NRG1: variants seen among roughly 807,000 people sequenced by gnomAD.
NRG1 encodes the protein pro-neuregulin-1, membrane-bound isoform.
Under a neutral mutation model 63.8 loss-of-function variants are expected in NRG1, and 18 were observed. That is an observed-to-expected ratio of 0.28 (90% CI 0.19 to 0.42). The LOEUF (loss-of-function observed/expected upper bound fraction) is 0.42, where lower values mean the gene tolerates loss of function less well. Ranked by LOEUF, NRG1 falls within the 10% of genes least tolerant of loss-of-function variation. The pLI is 1.00. For missense variants in NRG1, 762 were observed against 814.7 expected (o/e 0.94, Z 0.79); for synonymous variants, 302 against 301.3 (o/e 1.00, Z -0.02).
At chr8:32,215,710 CTT>C (rs1845148234) in intron 1 of NRG1, among the ~76,000 whole-genome samples, 1 of 152,114 alleles carries the variant, frequency 6.6e-6, no homozygotes, top group South Asian at 2.1e-4. Flanking sequence ...AAATTTTTGA[CTT>C]TGTTTAAATA....
chr8:32,522,810 T>C (rs1737719748), intron 1 of NRG1, among the ~76,000 whole-genome samples: 2 of 119,080 alleles, frequency 1.7e-5, no homozygotes, highest in Admixed American at 8.3e-5. Context: ...CAATTTGCCT[T>C]TTTTTTTTTT....
chr8:31,732,258 G>A (rs538749305), intron 1 of NRG1, among the ~76,000 whole-genome samples: 3 of 152,104 alleles, frequency 2.0e-5, no homozygotes, highest in East Asian at 3.9e-4. Context: ...ATTATTTAAC[G>A]TAACTGTGCT....
intron 1 of NRG1, among the ~76,000 whole-genome samples, chr8:32,258,735 C>A (rs755166035): frequency 1.3e-5 from 2 of 152,114 alleles, no homozygotes; most frequent in Non-Finnish European, 2.9e-5. Flanking sequence ...CCCCCATGAT[C>A]CAATCACCTC....
At chr8:32,450,192 C>T (rs1006268591) in intron 1 of NRG1, among the ~76,000 whole-genome samples, 1 of 152,108 alleles carries the variant, frequency 6.6e-6, no homozygotes, top group Admixed American at 6.6e-5. Flanking sequence ...GATTATTTTA[C>T]ATATTTCATC....
At chr8:32,430,291 C>T (rs928327608) in intron 1 of NRG1, among the ~76,000 whole-genome samples, 4 of 152,170 alleles carry the variant, frequency 2.6e-5, no homozygotes, top group Non-Finnish European at 2.9e-5. Flanking sequence ...TATGCTTACT[C>T]ATAAAACAGG....
intron 1 of NRG1, among the ~76,000 whole-genome samples, chr8:32,071,324 T>G (rs1825728468): frequency 6.6e-6 from 1 of 152,222 alleles, no homozygotes; most frequent in Non-Finnish European, 1.5e-5. Flanking sequence ...GTTCAGTTGT[T>G]AACTCTGTGC....
intron 1 of NRG1, among the ~76,000 whole-genome samples, chr8:31,816,669 C>T (rs912340626): frequency 6.6e-6 from 1 of 152,154 alleles, no homozygotes; most frequent in Non-Finnish European, 1.5e-5. Flanking sequence ...AATGATTTTT[C>T]TTAAGCTTAG....
chr8:32,484,053 A>G (rs1468927769), intron 1 of NRG1, among the ~76,000 whole-genome samples: 1 of 152,168 alleles, frequency 6.6e-6, no homozygotes, highest in East Asian at 1.9e-4. Flanking sequence ...CAGTGAGCCA[A>G]GATCGCACCA....
intron 1 of NRG1, among the ~76,000 whole-genome samples, chr8:32,475,031 GA>G (rs1378373057): frequency 3.3e-5 from 5 of 151,902 alleles, no homozygotes; most frequent in African/African-American, 4.8e-5. Context: ...ATTATTTTTC[GA>G]ATTTTGGCAC....
intron 1 of NRG1, among the ~76,000 whole-genome samples, chr8:32,410,812 A>G (rs901595944): frequency 6.6e-6 from 1 of 152,084 alleles, no homozygotes; most frequent in African/African-American, 2.4e-5. Flanking sequence ...TGTTTAAGGA[A>G]ATCTATATAT....
At chr8:32,766,756 A>G (rs1831461607) in exon 12 of NRG1, 1 of 152,204 alleles carries the variant, frequency 6.6e-6, no homozygotes, top group Admixed American at 6.5e-5. Flanking sequence ...GATCACTCAC[A>G]GAGGTGGCAT....
chr8:31,743,709 G>A (rs970139352), intron 1 of NRG1, among the ~76,000 whole-genome samples: 4 of 151,950 alleles, frequency 2.6e-5, no homozygotes, highest in Non-Finnish European at 5.9e-5. Flanking sequence ...GCTTGAACAT[G>A]TTGGAAAGTC....
chr8:32,316,344 C>T (rs556223911), intron 1 of NRG1, among the ~76,000 whole-genome samples: 121 of 152,038 alleles, frequency 8.0e-4, no homozygotes, highest in Middle Eastern at 3.4e-3. Flanking sequence ...GGCTTGGTGG[C>T]GCATGCCTGT....
chr8:31,922,854 G>A (rs1585787473), intron 1 of NRG1, among the ~76,000 whole-genome samples: 1 of 152,110 alleles, frequency 6.6e-6, no homozygotes, highest in African/African-American at 2.4e-5. Flanking sequence ...CCTTAAAAGA[G>A]CTTGTAGCTT....
At chr8:32,049,250 T>C (rs1273895572) in intron 1 of NRG1, among the ~76,000 whole-genome samples, 1 of 152,150 alleles carries the variant, frequency 6.6e-6, no homozygotes, top group African/African-American at 2.4e-5. Flanking sequence ...CAGGCATTGC[T>C]TGTATTTAAT....
At chr8:32,597,307 A>T (rs1427303849) in intron 2 of NRG1, among the ~76,000 whole-genome samples, 2 of 152,186 alleles carry the variant, frequency 1.3e-5, no homozygotes, top group Non-Finnish European at 2.9e-5. Context: ...TTACAATGAG[A>T]ATTAAATTTA....
At chr8:32,380,473 A>G (rs943272122) in intron 1 of NRG1, among the ~76,000 whole-genome samples, 1 of 152,076 alleles carries the variant, frequency 6.6e-6, no homozygotes, top group Non-Finnish European at 1.5e-5. Context: ...CCTGGACTTC[A>G]GACTTGACCA....
intron 1 of NRG1, among the ~76,000 whole-genome samples, chr8:32,261,845 G>A (rs1563245361): frequency 1.3e-5 from 2 of 152,134 alleles, no homozygotes; most frequent in Non-Finnish European, 2.9e-5. Context: ...TTTTAATAGT[G>A]TTCCCTTGCA....
Position 32,468,722 on chromosome 8 carries a change from GTTTT to G in NRG1, c.38-127093_38-127090del, listed in dbSNP as rs151112582. Among the ~76,000 whole-genome samples the G allele has an allele frequency of 4.2e-3, 602 of 143,888 alleles. 2 individuals carry two copies. Among genetic ancestry groups the G allele is most frequent in the Middle Eastern group, 7.0e-3 (2 of 286 alleles). 94.4% of individuals were successfully genotyped at this position (143,888 alleles called of 152,430 possible). A position where few individuals can be genotyped will look rare whatever the true frequency, so the allele number is the denominator to read the frequency against. ...AATATTTGAGCAATTTAACATTACA[GTTTT>G]TTTTTTTTTTTTCAGCAAGAAGTGT... On this transcript the variant is annotated intron_variant, in intron 1 of 10. Coordinates refer to the NRG1 transcript ENST00000519301.
Sources: gnomAD v4.1 joint callset for allele counts (sites outside exome capture counted in the v4.1 genomes callset) on GRCh38, gnomAD v4.1.1 for gene constraint, MANE v1.5 for transcripts, NCBI Gene and HGNC (gene_info 2026-07-23, HGNC 2026-07-21) for gene names.